Variants in CNTN5 observed in about 807,000 individuals in gnomAD.
The protein encoded by CNTN5 is contactin 5.
CNTN5 carries 77 observed loss-of-function variants against 129.1 expected under a neutral mutation model. The observed-to-expected ratio is 0.60, with a 90% CI of 0.50 to 0.72. The LOEUF (loss-of-function observed/expected upper bound fraction) is 0.72, where lower values mean the gene tolerates loss of function less well. Ranked by LOEUF, CNTN5 falls within the 30% of genes least tolerant of loss-of-function variation. CNTN5 has a pLI of 0.00. For missense variants in CNTN5, 1,478 were observed against 1,328.8 expected, an observed-to-expected ratio of 1.11 and a Z score of -1.75; for synonymous variants, 509 against 465.6, an observed-to-expected ratio of 1.09 and a Z score of -1.20.
intron 13 of CNTN5, among the ~76,000 whole-genome samples, chr11:100,147,331 G>C (rs1229469846): frequency 6.6e-6 from 1 of 152,232 alleles, no homozygotes; most frequent in East Asian, 1.9e-4. Context: ...CTTCAGAAGA[G>C]GAGTGGCTTA....
intron 13 of CNTN5, among the ~76,000 whole-genome samples, chr11:100,174,325 T>C (rs1203330426): frequency 2.6e-5 from 4 of 152,086 alleles, no homozygotes; most frequent in African/African-American, 7.2e-5. Context: ...GTTCTGAGCT[T>C]TAAAAAAGAA....
intron 2 of CNTN5, among the ~76,000 whole-genome samples, chr11:99,529,181 T>G (rs910064783): frequency 2.6e-5 from 4 of 152,188 alleles, no homozygotes; most frequent in Admixed American, 6.5e-5. Context: ...CCCAGCTGAT[T>G]GGATGGTGCC....
chr11:99,323,528 T>G (rs1027909888), intron 1 of CNTN5, among the ~76,000 whole-genome samples: 13 of 152,152 alleles, frequency 8.5e-5, no homozygotes, highest in African/African-American at 3.1e-4. Flanking sequence ...GTGCTAGACA[T>G]GTTGGTAAGC....
chr11:99,363,028 G>T (rs73543125), intron 2 of CNTN5, among the ~76,000 whole-genome samples: 4,906 of 151,742 alleles, frequency 0.032, 262 homozygotes, highest in African/African-American at 0.11. Flanking sequence ...TGAATTTTTT[G>T]ATGTATTTTC....
chr11:99,812,094 C>T (rs1946445299), intron 3 of CNTN5, among the ~76,000 whole-genome samples: 1 of 152,094 alleles, frequency 6.6e-6, no homozygotes, highest in African/African-American at 2.4e-5. Context: ...TTATCACACA[C>T]TGAGTTCTTC....
At chr11:100,281,860 C>T (rs140262336) in intron 18 of CNTN5, among the ~76,000 whole-genome samples, 244 of 152,218 alleles carry the variant, frequency 1.6e-3, no homozygotes, top group African/African-American at 5.6e-3. Flanking sequence ...ATCAATTCTA[C>T]TATTAAAAGA....
chr11:99,146,776 C>T (rs1357340952), intron 1 of CNTN5, among the ~76,000 whole-genome samples: 1 of 152,056 alleles, frequency 6.6e-6, no homozygotes, highest in African/African-American at 2.4e-5. Flanking sequence ...GACTAGGGTG[C>T]AGTGGCATGA....
At chr11:100,046,278 C>A (rs560478180) in intron 9 of CNTN5, among the ~76,000 whole-genome samples, 41 of 152,246 alleles carry the variant, frequency 2.7e-4, no homozygotes, top group African/African-American at 9.1e-4. Context: ...ATGAATCCAG[C>A]AACCAACTGG....
At chr11:99,801,335 C>G (rs1400015448) in intron 3 of CNTN5, among the ~76,000 whole-genome samples, 2 of 152,140 alleles carry the variant, frequency 1.3e-5, no homozygotes, top group African/African-American at 2.4e-5. Context: ...TGTATGTAAT[C>G]TAACATGTTT....
intron 1 of CNTN5, among the ~76,000 whole-genome samples, chr11:99,234,197 G>A (rs1042048260): frequency 6.6e-6 from 1 of 152,112 alleles, no homozygotes; most frequent in African/African-American, 2.4e-5. Flanking sequence ...AATAAAAATT[G>A]CCAATATCAT....
chr11:99,895,773 G>A (rs1473362423), intron 6 of CNTN5, among the ~76,000 whole-genome samples: 1 of 152,152 alleles, frequency 6.6e-6, no homozygotes, highest in African/African-American at 2.4e-5. Flanking sequence ...TCTGTGCAGA[G>A]GCACTGCTCA....
At chr11:100,073,951 C>T (rs1944028143) in intron 12 of CNTN5, among the ~76,000 whole-genome samples, 193 bp from the exon 13 acceptor site, 2 of 152,054 alleles carry the variant, frequency 1.3e-5, no homozygotes, top group South Asian at 2.1e-4. Context: ...ATGAAATCAC[C>T]TGCTAATGTA....
At chr11:99,799,959 C>G (rs1219223237) in intron 3 of CNTN5, among the ~76,000 whole-genome samples, 1 of 151,966 alleles carries the variant, frequency 6.6e-6, no homozygotes, top group Non-Finnish European at 1.5e-5. Flanking sequence ...CCATTTCTCT[C>G]TGATTCAATT....
chr11:99,224,436 A>G (rs1860567228), intron 1 of CNTN5, among the ~76,000 whole-genome samples: 2 of 152,088 alleles, frequency 1.3e-5, no homozygotes, highest in Non-Finnish European at 2.9e-5. Context: ...ACTTCAACAT[A>G]ATAACCACTT....
chr11:99,730,695 C>A (rs1943501423), intron 3 of CNTN5, among the ~76,000 whole-genome samples: 1 of 152,040 alleles, frequency 6.6e-6, no homozygotes, highest in Non-Finnish European at 1.5e-5. Flanking sequence ...CATAACATTT[C>A]TACATATTTA....
At chr11:100,264,474 A>G (rs879568895) in intron 17 of CNTN5, among the ~76,000 whole-genome samples, 1 of 152,120 alleles carries the variant, frequency 6.6e-6, no homozygotes. Context: ...CAGGGAGAAC[A>G]TGTGGCATTT....
intron 1 of CNTN5, among the ~76,000 whole-genome samples, chr11:99,215,910 G>A (rs533791287): frequency 6.6e-6 from 1 of 152,090 alleles, no homozygotes; most frequent in Non-Finnish European, 1.5e-5. Flanking sequence ...GTGCATAATG[G>A]TTGTATATAT....
intron 13 of CNTN5, among the ~76,000 whole-genome samples, chr11:100,141,020 C>T (rs933700201): frequency 1.3e-5 from 2 of 151,950 alleles, no homozygotes; most frequent in African/African-American, 2.4e-5. Context: ...GAAGTATTGT[C>T]GGCAGGAAAA....
chr11:99,284,772 T>C (rs182125370), intron 1 of CNTN5, among the ~76,000 whole-genome samples: 1 of 152,134 alleles, frequency 6.6e-6, no homozygotes, highest in East Asian at 1.9e-4. Flanking sequence ...TCATAAAACA[T>C]GGATAATGGC....
Sources: allele counts gnomAD v4.1 joint callset (sites outside exome capture counted in the v4.1 genomes callset), GRCh38; gene constraint gnomAD v4.1.1; transcripts MANE v1.5; gene names NCBI Gene and HGNC (gene_info 2026-07-23, HGNC 2026-07-21).